The following FRMD3 variants were observed in gnomAD, a reference collection of about 807,000 sequenced individuals.
FRMD3 encodes FERM domain containing 3.
A neutral mutation model predicts 70.2 loss-of-function variants in FRMD3; 33 were observed. That is an observed-to-expected ratio of 0.47 (90% CI 0.36 to 0.63). The LOEUF (loss-of-function observed/expected upper bound fraction) is 0.63. FRMD3 is among the 20% of genes least tolerant of loss of function. The pLI is 0.00. For missense variants in FRMD3, 632 were observed against 711.4 expected, an observed-to-expected ratio of 0.89 and a Z score of 1.27; for synonymous variants, 279 against 255.9, an observed-to-expected ratio of 1.09 and a Z score of -0.86.
At position 83,374,922 on chromosome 9, in the gene FRMD3, C is replaced by T. The variant is rs114971529; in HGVS notation, c.253-1967G>A. On this transcript the variant is annotated intron_variant, in intron 2 of 13. Transcript: ENST00000304195. ...AATAGCAGCAAAATATCAATACTTA[C>T]TGCAATTGTTTTGCAGAGGAGAATC... Among the ~76,000 whole-genome samples the T allele has an allele frequency of 3.1e-3, 465 of 152,340 alleles. 1 individual carries two copies. Among genetic ancestry groups the T allele is most frequent in the African/African-American group, 0.011 (440 of 41,590 alleles).
chr9:83,293,032 A>G (rs1473597339), intron 12 of FRMD3, among the ~76,000 whole-genome samples: 2 of 152,216 alleles, frequency 1.3e-5, no homozygotes, highest in Non-Finnish European at 1.5e-5. Context: ...TGGGAGCACA[A>G]AGGAGGGGCA....
At chr9:83,560,491 T>C in the FRMD3 span, among the ~76,000 whole-genome samples, 1 of 152,228 alleles carries the variant, frequency 6.6e-6, no homozygotes, top group Non-Finnish European at 1.5e-5. Flanking sequence ...AGCCTTCCAG[T>C]TCAGCTTAGG....
the FRMD3 span, among the ~76,000 whole-genome samples, chr9:83,549,712 AT>A: frequency 2.6e-5 from 4 of 151,978 alleles, no homozygotes; most frequent in Admixed American, 6.6e-5. Context: ...GATATCGAGC[AT>A]TTTTTTCATA....
At chr9:83,580,823 C>T in the FRMD3 span, among the ~76,000 whole-genome samples, 3 of 152,070 alleles carry the variant, frequency 2.0e-5, no homozygotes, top group African/African-American at 2.4e-5. Context: ...TTGATTTAAT[C>T]ATTTCACATT....
intron 1 of FRMD3, among the ~76,000 whole-genome samples, chr9:83,452,449 C>T (rs1381519577): frequency 6.8e-6 from 1 of 147,326 alleles, no homozygotes; most frequent in Non-Finnish European, 1.5e-5. Flanking sequence ...ATTACTCATC[C>T]CCGTATGAAC....
chr9:83,328,159 C>T (rs1446837938), intron 6 of FRMD3, among the ~76,000 whole-genome samples: 1 of 149,132 alleles, frequency 6.7e-6, no homozygotes, highest in Non-Finnish European at 1.5e-5. Context: ...GTTAATTTCT[C>T]AGAACTCTGT....
intron 13 of FRMD3, among the ~76,000 whole-genome samples, chr9:83,254,327 T>G (rs562873586): frequency 3.2e-5 from 3 of 94,280 alleles, no homozygotes; most frequent in Admixed American, 2.3e-4. Context: ...GTTTTTAATA[T>G]ATTTTTAATA....
At chr9:83,350,934 G>C in intron 3 of FRMD3, 6 of 722,298 alleles carry the variant, frequency 8.3e-6, no homozygotes, top group Non-Finnish European at 1.0e-5. Context: ...CATATAAAAT[G>C]AACATCTTAA....
chr9:83,469,466 TGTCAAA>T (rs1282229042), intron 1 of FRMD3, among the ~76,000 whole-genome samples: 13 of 152,196 alleles, frequency 8.5e-5, no homozygotes, highest in African/African-American at 3.1e-4. Flanking sequence ...ATTGTCAAAA[TGTCAAA>T]GTCAAATGAG....
chr9:83,393,838 T>C (rs1046149158), intron 1 of FRMD3, among the ~76,000 whole-genome samples: 1 of 152,170 alleles, frequency 6.6e-6, no homozygotes, highest in African/African-American at 2.4e-5. Context: ...TGCAGCTCAG[T>C]TCTGAGGCCC....
At chr9:83,477,615 T>C (rs963251987) in intron 1 of FRMD3, among the ~76,000 whole-genome samples, 2 of 152,052 alleles carry the variant, frequency 1.3e-5, no homozygotes, top group Admixed American at 6.6e-5. Flanking sequence ...CAAATCAAGG[T>C]TCTATTACTA....
chr9:83,275,460 A>G (rs1587664661), intron 13 of FRMD3, among the ~76,000 whole-genome samples: 1 of 152,192 alleles, frequency 6.6e-6, no homozygotes, highest in African/African-American at 2.4e-5. Context: ...GCTGATCACT[A>G]ATTTCACAAG....
chr9:83,511,773 G>A (rs1042925297), intron 1 of FRMD3, among the ~76,000 whole-genome samples: 6 of 152,274 alleles, frequency 3.9e-5, no homozygotes, highest in African/African-American at 4.8e-5. Context: ...TACCAGGGAC[G>A]CATGTCAGGG....
intron 1 of FRMD3, among the ~76,000 whole-genome samples, chr9:83,440,710 G>C (rs1385885503): frequency 7.2e-5 from 11 of 152,210 alleles, no homozygotes. Context: ...ATTCCAATCT[G>C]AGCCTTGTGT....
chr9:83,274,017 C>T (rs1293318585), intron 13 of FRMD3, among the ~76,000 whole-genome samples: 1 of 152,120 alleles, frequency 6.6e-6, no homozygotes, highest in Admixed American at 6.5e-5. Context: ...GACGGCATCT[C>T]ACTAGGTTTC....
intron 2 of FRMD3, among the ~76,000 whole-genome samples, chr9:83,376,991 T>C (rs2131267047): frequency 6.6e-6 from 1 of 152,164 alleles, no homozygotes; most frequent in East Asian, 1.9e-4. Flanking sequence ...TACTATTTTT[T>C]CTGCAATTTA....
chr9:83,281,266 G>A (rs1833964457), intron 13 of FRMD3, among the ~76,000 whole-genome samples: 1 of 152,146 alleles, frequency 6.6e-6, no homozygotes, highest in South Asian at 2.1e-4. Context: ...CTGCTTTCTA[G>A]CAACAATAGG....
At chr9:83,318,239 A>T (rs1385924394) in intron 6 of FRMD3, among the ~76,000 whole-genome samples, 3 of 151,730 alleles carry the variant, frequency 2.0e-5, no homozygotes, top group Non-Finnish European at 2.9e-5. Context: ...TGTAACCCTC[A>T]CCTCCTCCCA....
intron 1 of FRMD3, among the ~76,000 whole-genome samples, chr9:83,530,900 G>C (rs925595113): frequency 6.6e-6 from 1 of 152,086 alleles, no homozygotes; most frequent in African/African-American, 2.4e-5. Context: ...ATCACCACAG[G>C]GGAAGTTGAT....
Sources: allele counts gnomAD v4.1 joint callset (sites outside exome capture counted in the v4.1 genomes callset), GRCh38; gene constraint gnomAD v4.1.1; transcripts MANE v1.5; gene names NCBI Gene and HGNC (gene_info 2026-07-23, HGNC 2026-07-21).